SCFD2: variants seen among roughly 807,000 people sequenced by gnomAD.
SCFD2 encodes the protein sec1 family domain-containing protein 2.
A neutral mutation model predicts 58.9 loss-of-function variants in SCFD2; 54 were observed. The observed-to-expected ratio is 0.92, with a 90% CI of 0.74 to 1.15. SCFD2 has a LOEUF of 1.15. Among genes scored for constraint, SCFD2 ranks in the 50% most tolerant of loss-of-function variants. The probability of loss-of-function intolerance (pLI) is 0.00; values close to 1 mark genes in which losing one functional copy is unlikely to be tolerated. For synonymous variants in SCFD2, 321 were observed against 335.9 expected (o/e 0.96, Z 0.49); for missense variants, 805 against 836.6 (o/e 0.96, Z 0.47).
chr4:53,327,809 T>C (rs1209692026), intron 2 of SCFD2, among the ~76,000 whole-genome samples: 1 of 152,162 alleles, frequency 6.6e-6, no homozygotes, highest in African/African-American at 2.4e-5. Flanking sequence ...GAATTGGAAG[T>C]ATTGCTGGGA....
chr4:53,129,881 T>TA (rs1725738040), intron 5 of SCFD2, among the ~76,000 whole-genome samples: 1 of 152,196 alleles, frequency 6.6e-6, no homozygotes. Flanking sequence ...CCCCACCTGA[T>TA]ACCTTCACCT....
At chr4:53,321,320 A>G (rs1373089324) in intron 2 of SCFD2, among the ~76,000 whole-genome samples, 1 of 152,144 alleles carries the variant, frequency 6.6e-6, no homozygotes, top group East Asian at 1.9e-4. Context: ...AGAAACTAAC[A>G]GGAAATATTC....
At chr4:52,876,729 A>G (rs916645188) in intron 8 of SCFD2, among the ~76,000 whole-genome samples, 1 of 145,096 alleles carries the variant, frequency 6.9e-6, no homozygotes, top group African/African-American at 2.6e-5. Context: ...CAGCCTGGGT[A>G]ACAGAGCGAA....
intron 5 of SCFD2, among the ~76,000 whole-genome samples, chr4:52,927,022 C>T (rs1451089414): frequency 1.3e-5 from 2 of 152,152 alleles, no homozygotes; most frequent in South Asian, 2.1e-4. Context: ...TTTCTAGTGA[C>T]GCTGACTGTA....
intron 3 of SCFD2, among the ~76,000 whole-genome samples, chr4:53,280,808 C>A (rs1731485452): frequency 6.6e-6 from 1 of 152,090 alleles, no homozygotes; most frequent in South Asian, 2.1e-4. Flanking sequence ...ATAATATATT[C>A]TGCTAAAACT....
At chr4:53,062,199 C>T (rs1723533798) in intron 5 of SCFD2, among the ~76,000 whole-genome samples, 1 of 151,596 alleles carries the variant, frequency 6.6e-6, no homozygotes, top group Non-Finnish European at 1.5e-5. Context: ...GGGCAAAACC[C>T]CGTCTCTACT....
chr4:52,920,984 A>G, intron 5 of SCFD2, 114 bp from the exon 6 acceptor site: 1 of 463,458 alleles, frequency 2.2e-6, no homozygotes, highest in South Asian at 7.4e-5. Context: ...TATTATTATT[A>G]TTATTATTGT....
chr4:53,336,081 G>GT (rs1453727356), intron 2 of SCFD2, among the ~76,000 whole-genome samples: 2 of 152,100 alleles, frequency 1.3e-5, no homozygotes, highest in African/African-American at 4.8e-5. Flanking sequence ...ATTGTATAAA[G>GT]CCCTTAGAGA....
intron 5 of SCFD2, among the ~76,000 whole-genome samples, chr4:53,007,325 AGAGAGAGAGG>A (rs1182010838): frequency 0.018 from 2,448 of 133,550 alleles, 54 homozygotes; most frequent in Non-Finnish European, 0.031. Context: ...AGAGAGAGAG[AGAGAGAGAGG>A]GAGAGAGAGA....
chr4:53,133,121 G>C (rs1725838140), intron 5 of SCFD2, among the ~76,000 whole-genome samples: 3 of 152,098 alleles, frequency 2.0e-5, no homozygotes, highest in African/African-American at 4.8e-5. Context: ...AAGGTCAGGA[G>C]ATCGAGACCA....
intron 4 of SCFD2, among the ~76,000 whole-genome samples, chr4:53,149,903 C>T (rs1403261665): frequency 2.0e-5 from 3 of 152,194 alleles, no homozygotes; most frequent in East Asian, 3.8e-4. Flanking sequence ...CAAAATCTAT[C>T]ACACGCCAGT....
chr4:53,333,884 G>C (rs1184414500), intron 2 of SCFD2, among the ~76,000 whole-genome samples: 1 of 139,446 alleles, frequency 7.2e-6, no homozygotes, highest in Non-Finnish European at 1.6e-5. Context: ...AATCTACAAT[G>C]AACTCAAACA....
At chr4:53,030,327 C>T (rs890521589) in intron 5 of SCFD2, among the ~76,000 whole-genome samples, 3 of 152,176 alleles carry the variant, frequency 2.0e-5, no homozygotes, top group African/African-American at 7.2e-5. Flanking sequence ...AAAGGAAATC[C>T]TGACAATACT....
intron 2 of SCFD2, among the ~76,000 whole-genome samples, chr4:53,327,356 G>A (rs1397611724): frequency 6.6e-6 from 1 of 152,134 alleles, no homozygotes; most frequent in African/African-American, 2.4e-5. Flanking sequence ...GAATGAGAAG[G>A]GTGTCTGTGT....
At chr4:52,975,644 A>C (rs1201268180) in intron 5 of SCFD2, among the ~76,000 whole-genome samples, 1 of 152,136 alleles carries the variant, frequency 6.6e-6, no homozygotes, top group Non-Finnish European at 1.5e-5. Context: ...AAGTAGAAAT[A>C]CCATTTGACC....
intron 1 of SCFD2, among the ~76,000 whole-genome samples, chr4:53,355,625 A>C (rs2149167801): frequency 6.6e-6 from 1 of 152,066 alleles, no homozygotes; most frequent in East Asian, 1.9e-4. Context: ...ACAGCTCAAA[A>C]CTCTCCAACT....
At chr4:53,184,774 A>G (rs1727691109) in intron 4 of SCFD2, among the ~76,000 whole-genome samples, 1 of 152,058 alleles carries the variant, frequency 6.6e-6, no homozygotes, top group African/African-American at 2.4e-5. Flanking sequence ...ATGCAAAAAG[A>G]ACTACTCTTG....
At chr4:52,928,270 A>C (rs1719908103) in intron 5 of SCFD2, among the ~76,000 whole-genome samples, 1 of 152,156 alleles carries the variant, frequency 6.6e-6, no homozygotes, top group Admixed American at 6.5e-5. Flanking sequence ...CAGGAGTTCA[A>C]GGCTACAGTG....
intron 4 of SCFD2, among the ~76,000 whole-genome samples, chr4:53,180,178 T>A (rs540753332): frequency 4.9e-4 from 74 of 152,226 alleles, no homozygotes; most frequent in Non-Finnish European, 8.5e-4. Flanking sequence ...AAGTCTCCAT[T>A]CCAAATCAAC....
Sources: gnomAD v4.1 joint callset for allele counts (sites outside exome capture counted in the v4.1 genomes callset) on GRCh38, gnomAD v4.1.1 for gene constraint, MANE v1.5 for transcripts, NCBI Gene and HGNC (gene_info 2026-07-23, HGNC 2026-07-21) for gene names.